ZCWPW2: variants seen among roughly 807,000 people sequenced by gnomAD.
ZCWPW2 encodes zinc finger CW-type and PWWP domain containing 2, also known as zinc finger CW-type PWWP domain protein 2.
A neutral mutation model predicts 46.6 loss-of-function variants in ZCWPW2; 45 were observed. The ratio of observed to expected loss-of-function variants is 0.96; its 90% CI spans 0.76 to 1.24. ZCWPW2 has a LOEUF of 1.24. ZCWPW2 is among the 50% of genes most tolerant of loss of function. The pLI is 0.00. For missense variants in ZCWPW2, 429 were observed against 403.9 expected, an observed-to-expected ratio of 1.06 and a Z score of -0.53; for synonymous variants, 152 against 137.1, an observed-to-expected ratio of 1.11 and a Z score of -0.76.
intron 4 of ZCWPW2, among the ~76,000 whole-genome samples, chr3:28,472,364 G>T (rs1271767056): frequency 6.6e-6 from 1 of 152,124 alleles, no homozygotes; most frequent in East Asian, 1.9e-4. Flanking sequence ...TATGGTATTG[G>T]CATGAAAGCA....
At chr3:28,408,507 A>G (rs1180905451) in intron 2 of ZCWPW2, among the ~76,000 whole-genome samples, 1 of 152,114 alleles carries the variant, frequency 6.6e-6, no homozygotes, top group Non-Finnish European at 1.5e-5. Flanking sequence ...TTTAATCTAG[A>G]TAATATATTC....
intron 8 of ZCWPW2, among the ~76,000 whole-genome samples, chr3:28,518,239 G>C (rs1472549864): frequency 2.0e-5 from 3 of 148,058 alleles, no homozygotes; most frequent in African/African-American, 7.5e-5. Flanking sequence ...CTGAGTAATG[G>C]AGTGGCCGTA....
At chr3:28,413,481 A>G (rs1696492155) in intron 3 of ZCWPW2, 81 bp downstream of exon 3, 1 of 1,227,388 alleles carries the variant, frequency 8.1e-7, no homozygotes, top group African/African-American at 1.5e-5. Context: ...TGAAGACTAA[A>G]CATTTTTCTT....
rs1438397219 is a variant in ZCWPW2 at position 28,369,014 on chromosome 3, T to A, written c.-134+19811T>A. ...TGCCATGGTTTTCAGCTCCATCAGG[T>A]CCTTTAAGGACTTCTCTGCATTGGT... On this transcript the variant is annotated intron_variant, in intron 1 of 9. Transcript: ENST00000383768. Among the ~76,000 whole-genome samples, 5 of 152,284 alleles carry A rather than the reference T, an allele frequency of 3.3e-5. No individual in the cohort carries two copies. In the East Asian group the frequency reaches 9.6e-4, roughly 29 times the overall value.
intron 4 of ZCWPW2, among the ~76,000 whole-genome samples, chr3:28,459,109 G>A (rs1040004816): frequency 3.9e-5 from 6 of 152,260 alleles, no homozygotes; most frequent in African/African-American, 1.4e-4. Flanking sequence ...GGTGGCTCAT[G>A]CCTGTAATCC....
chr3:28,521,237 C>T, intron 9 of ZCWPW2, 121 bp downstream of exon 9: 1 of 1,065,188 alleles, frequency 9.4e-7, no homozygotes, highest in Non-Finnish European at 1.3e-6. Context: ...AAATTTGAGT[C>T]CTTGATTATC....
intron 4 of ZCWPW2, among the ~76,000 whole-genome samples, chr3:28,472,154 G>A (rs1699061780): frequency 6.6e-6 from 1 of 152,012 alleles, no homozygotes; most frequent in African/African-American, 2.4e-5. Context: ...ACTACCCAAA[G>A]CAATCTACAG....
At chr3:28,487,318 T>G (rs991254161) in intron 5 of ZCWPW2, among the ~76,000 whole-genome samples, 1 of 152,110 alleles carries the variant, frequency 6.6e-6, no homozygotes, top group African/African-American at 2.4e-5. Flanking sequence ...CTTTTTCAGT[T>G]TTTTAGTTTT....
At chr3:28,497,593 C>T (rs912890574) in intron 6 of ZCWPW2, among the ~76,000 whole-genome samples, 5 of 152,050 alleles carry the variant, frequency 3.3e-5, no homozygotes, top group African/African-American at 1.2e-4. Flanking sequence ...CACAGTGTTT[C>T]CCTGCTTCCC....
In ZCWPW2 at chr3:28,413,321, C is replaced by T. The variant is rs1356844824; in HGVS notation, c.253C>T (p.His85Tyr). The T allele has an allele frequency of 2.5e-6, 4 of 1,613,086 alleles. No individual in the cohort carries two copies. The highest frequency in any genetic ancestry group is 3.4e-6 in the Non-Finnish European group (4 of 1,179,448). Residue 85 changes from histidine to tyrosine, a missense_variant, in exon 3 of 10, where the codon CAT (histidine) becomes TAT (tyrosine). Physicochemically the swap from His to Tyr is moderately conservative, Grantham distance 83. Coordinates refer to ENST00000383768, the MANE Select transcript of ZCWPW2 (RefSeq NM_001040432.4). ...EEDFPEESQL[H>Y]QCGFKIVYSQ... is the part of the protein sequence containing the mutation. ...AGACTTCCCTGAAGAGTCTCAGCTT[C>T]ATCAGTGTGGATTTAAGATTGTCTA...
chr3:28,419,937 G>C (rs1696695821), intron 3 of ZCWPW2, among the ~76,000 whole-genome samples: 1 of 111,114 alleles, frequency 9.0e-6, no homozygotes, highest in South Asian at 4.2e-4. Flanking sequence ...GGTGGGGGGA[G>C]GGGGGAGGGA....
Position 28,515,641 on chromosome 3 carries a change from G to A in ZCWPW2, c.784+20G>A. On this transcript the variant is annotated intron_variant, in intron 8 of 9. Transcript: ENST00000383768. ...ACAGGGGTATGTGAAAGCCTGTCCTGCTTTTAGTTCTTTAACCTATATATA... is the reference window on the plus strand; with the variant it reads ...ACAGGGGTATGTGAAAGCCTGTCCTACTTTTAGTTCTTTAACCTATATATA... 6.3e-7 allele frequency: 1 copy of A among 1,588,296 alleles called. No individual in the cohort carries two copies. Among genetic ancestry groups the A allele is most frequent in the East Asian group, 2.2e-5 (1 of 44,544 alleles).
chr3:28,377,981 G>T (rs551700108), intron 1 of ZCWPW2, among the ~76,000 whole-genome samples: 38 of 152,048 alleles, frequency 2.5e-4, no homozygotes, highest in South Asian at 1.0e-3. Flanking sequence ...TGCTGTTTTC[G>T]TCCTTTCTAC....
chr3:28,379,564 T>C (rs1458611769), intron 1 of ZCWPW2, among the ~76,000 whole-genome samples: 2 of 152,176 alleles, frequency 1.3e-5, no homozygotes, highest in Admixed American at 6.5e-5. Flanking sequence ...AAATGGGTCA[T>C]TGAAACAAAA....
chr3:28,441,310 G>A (rs1697747728), intron 4 of ZCWPW2, among the ~76,000 whole-genome samples: 1 of 152,168 alleles, frequency 6.6e-6, no homozygotes, highest in Non-Finnish European at 1.5e-5. Flanking sequence ...TTCCAGTCAT[G>A]CTTCTTCCAA....
Position 28,510,357 on chromosome 3 carries a change from G to A in ZCWPW2, c.658-3707G>A, listed in dbSNP as rs576399640. 4.7e-4 allele frequency among the ~76,000 whole-genome samples: 72 copies of A among 152,258 alleles called. 1 individual carries two copies. The highest frequency in any genetic ancestry group is 1.0e-3 in the South Asian group (5 of 4,828). ...TTACTTTGGCCCATGGAATAACGTCGCAGTGACAGTGCGATAATTCCAACG... is the reference window on the plus strand; with the variant it reads ...TTACTTTGGCCCATGGAATAACGTCACAGTGACAGTGCGATAATTCCAACG... On this transcript the variant is annotated intron_variant, in intron 6 of 9. Coordinates refer to ENST00000383768, the MANE Select transcript of ZCWPW2 (RefSeq NM_001040432.4).
rs112649207 is a variant in ZCWPW2, at chr3:28,471,680, C to A, written c.493-7134C>A. Among the ~76,000 whole-genome samples, 3 of 152,006 alleles carry A rather than the reference C, an allele frequency of 2.0e-5. No individual in the cohort carries two copies. In the East Asian group the frequency reaches 5.8e-4, roughly 29 times the overall value. On this transcript the variant is annotated intron_variant, in intron 4 of 9. Transcript: ENST00000383768. ...AACTGAAAGCCGTTTCTTTAAAATACGGAACATGACAAGGATGCCCATTGT... is the reference window on the plus strand; with the variant it reads ...AACTGAAAGCCGTTTCTTTAAAATAAGGAACATGACAAGGATGCCCATTGT...
At chr3:28,462,549 G>A (rs1392868086) in intron 4 of ZCWPW2, among the ~76,000 whole-genome samples, 1 of 152,122 alleles carries the variant, frequency 6.6e-6, no homozygotes, top group African/African-American at 2.4e-5. Context: ...TTATTATCCT[G>A]GTTGGATGAG....
At chr3:28,456,007 C>G (rs1189102642) in intron 4 of ZCWPW2, among the ~76,000 whole-genome samples, 6 of 152,086 alleles carry the variant, frequency 3.9e-5, no homozygotes, top group Non-Finnish European at 5.9e-5. Flanking sequence ...AGAGCTTTTT[C>G]TAATTCTGTG....
Sources: allele counts gnomAD v4.1 joint callset (sites outside exome capture counted in the v4.1 genomes callset), GRCh38; gene constraint gnomAD v4.1.1; transcripts MANE v1.5; gene names NCBI Gene and HGNC (gene_info 2026-07-23, HGNC 2026-07-21).